The following NRXN3 variants were observed in gnomAD, a reference collection of about 807,000 sequenced individuals.
NRXN3 encodes neurexin 3.
In NRXN3, 32 loss-of-function variants were observed where a neutral mutation model predicts 137.6. The observed-to-expected ratio is 0.23, with a 90% CI of 0.18 to 0.31. NRXN3 has a LOEUF of 0.31. Among genes scored for constraint, NRXN3 ranks in the 10% least tolerant of loss-of-function variants. NRXN3 has a pLI of 1.00. For synonymous variants in NRXN3, 798 were observed against 784.5 expected, an observed-to-expected ratio of 1.02 and a Z score of -0.29; for missense variants, 1,574 against 2,062.5, an observed-to-expected ratio of 0.76 and a Z score of 4.59.
chr14:79,475,949 C>T (rs912658164), intron 16 of NRXN3, among the ~76,000 whole-genome samples: 6 of 152,036 alleles, frequency 3.9e-5, no homozygotes, highest in African/African-American at 1.4e-4. Flanking sequence ...ATGCAACAAG[C>T]AAGGCAAACT....
chr14:78,301,052 T>C (rs1418154506), intron 4 of NRXN3, among the ~76,000 whole-genome samples: 1 of 152,074 alleles, frequency 6.6e-6, no homozygotes, highest in African/African-American at 2.4e-5. Context: ...GTTGCTATTA[T>C]TTGGAATAAC....
chr14:79,065,088 A>G (rs560402174), intron 15 of NRXN3, among the ~76,000 whole-genome samples: 1 of 152,106 alleles, frequency 6.6e-6, no homozygotes, highest in South Asian at 2.1e-4. Context: ...GCATATATAT[A>G]TATACATCTA....
At chr14:79,414,257 AT>A (rs1215466730) in intron 15 of NRXN3, among the ~76,000 whole-genome samples, 1 of 152,142 alleles carries the variant, frequency 6.6e-6, no homozygotes, top group Non-Finnish European at 1.5e-5. Flanking sequence ...GCAGGTCAGC[AT>A]CCTATAACTT....
At position 79,845,873 on chromosome 14, in the gene NRXN3, GGA is replaced by G. The variant is rs1188914144; in HGVS notation, c.4094-15456_4094-15455del. Among the ~76,000 whole-genome samples, 5 of 19,390 alleles carry G rather than the reference GGA, an allele frequency of 2.6e-4. 2 individuals are homozygous for G. The highest frequency in any genetic ancestry group is 3.5e-4 in the Non-Finnish European group (3 of 8,520). 12.7% of individuals were successfully genotyped at this position (19,390 alleles called of 152,430 possible). ...GAGGGAGACGGGGAGAGAGAGAGATGGAGAGAGAGAGAGATGGAGAGAAAGAC... is the reference window on the plus strand; with the variant it reads ...GAGGGAGACGGGGAGAGAGAGAGATGGAGAGAGAGAGATGGAGAGAAAGAC... On this transcript the variant is annotated intron_variant, in intron 20 of 20. Coordinates refer to ENST00000335750, the MANE Select transcript of NRXN3 (RefSeq NM_001330195.2).
intron 4 of NRXN3, among the ~76,000 whole-genome samples, chr14:78,595,464 C>A (rs889037951): frequency 1.3e-5 from 2 of 152,190 alleles, no homozygotes; most frequent in African/African-American, 4.8e-5. Flanking sequence ...TGACTCCTGG[C>A]AGTGTCTTGT....
chr14:78,282,246 C>T (rs1211522503), intron 3 of NRXN3: 6 of 446,846 alleles, frequency 1.3e-5, no homozygotes, highest in Non-Finnish European at 2.3e-5. Flanking sequence ...TGCCTTTAAC[C>T]TTCCCCTGCT....
intron 16 of NRXN3, among the ~76,000 whole-genome samples, chr14:79,585,312 A>G (rs1198077081): frequency 2.0e-5 from 3 of 152,166 alleles, no homozygotes; most frequent in African/African-American, 7.2e-5. Context: ...ATCATGCCCA[A>G]TATAGTAACT....
chr14:79,658,696 A>G (rs113097923), intron 16 of NRXN3, among the ~76,000 whole-genome samples: 8 of 152,280 alleles, frequency 5.3e-5, no homozygotes, highest in African/African-American at 1.9e-4. Context: ...TGAAATGGGT[A>G]TGGAAGACCT....
chr14:79,765,542 A>C (rs2099053045), intron 19 of NRXN3, among the ~76,000 whole-genome samples: 1 of 152,236 alleles, frequency 6.6e-6, no homozygotes, highest in African/African-American at 2.4e-5. Flanking sequence ...ATTAGGGGAC[A>C]GATACAATGG....
At chr14:78,875,880 A>T (rs1460294809) in intron 10 of NRXN3, among the ~76,000 whole-genome samples, 1 of 152,138 alleles carries the variant, frequency 6.6e-6, no homozygotes, top group Admixed American at 6.5e-5. Flanking sequence ...GAACGATAGG[A>T]TTTCACACTT....
At chr14:78,372,489 T>A (rs12589172) in intron 4 of NRXN3, among the ~76,000 whole-genome samples, 45,186 of 151,852 alleles carry the variant, frequency 0.3, 8,156 homozygotes, top group Admixed American at 0.41. Flanking sequence ...CATGCCTGGC[T>A]AATTTTTTTG....
intron 15 of NRXN3, among the ~76,000 whole-genome samples, chr14:79,034,902 C>T (rs2099613648): frequency 6.6e-6 from 1 of 151,960 alleles, no homozygotes. Context: ...TAAATGATTC[C>T]ACATTCCAAG....
intron 15 of NRXN3, among the ~76,000 whole-genome samples, chr14:79,253,149 C>G (rs1265485557): frequency 6.6e-6 from 1 of 152,122 alleles, no homozygotes; most frequent in Non-Finnish European, 1.5e-5. Context: ...TGTTCTCCTG[C>G]CTTGTCTGTG....
At chr14:79,497,800 G>A (rs978363433) in intron 16 of NRXN3, among the ~76,000 whole-genome samples, 2 of 152,194 alleles carry the variant, frequency 1.3e-5, no homozygotes, top group Non-Finnish European at 2.9e-5. Context: ...ACTTTGGGAG[G>A]CCGAGGTGGG....
chr14:79,640,715 C>A (rs1313797299), intron 16 of NRXN3, among the ~76,000 whole-genome samples: 1 of 135,828 alleles, frequency 7.4e-6, no homozygotes, highest in African/African-American at 2.4e-5. Context: ...TCATTTCAAG[C>A]ATGGAAAGCT....
chr14:78,632,606 A>G (rs1200777843), intron 4 of NRXN3, among the ~76,000 whole-genome samples: 1 of 152,190 alleles, frequency 6.6e-6, no homozygotes, highest in Non-Finnish European at 1.5e-5. Flanking sequence ...GTCCCTTCTG[A>G]GCCTTAGTTT....
At chr14:78,935,255 A>T (rs1372581094) in intron 10 of NRXN3, among the ~76,000 whole-genome samples, 2 of 152,246 alleles carry the variant, frequency 1.3e-5, no homozygotes, top group East Asian at 3.9e-4. Context: ...AATTTATTTG[A>T]CTCAAAGGGC....
At chr14:78,869,221 T>C (rs1359891717) in intron 10 of NRXN3, among the ~76,000 whole-genome samples, 2 of 152,180 alleles carry the variant, frequency 1.3e-5, no homozygotes, top group Non-Finnish European at 1.5e-5. Context: ...TTAAATCAAT[T>C]GTCAATCAAT....
At chr14:79,827,553 G>C (rs74489401) in intron 20 of NRXN3, among the ~76,000 whole-genome samples, 2,957 of 152,206 alleles carry the variant, frequency 0.019, 87 homozygotes, top group African/African-American at 0.068. Flanking sequence ...TTCGCTCAGA[G>C]TTCTGCAGGC....
Sources: allele counts gnomAD v4.1 joint callset (sites outside exome capture counted in the v4.1 genomes callset), GRCh38; gene constraint gnomAD v4.1.1; transcripts MANE v1.5; gene names NCBI Gene and HGNC (gene_info 2026-07-23, HGNC 2026-07-21).